SLC24A2: variants seen among roughly 807,000 people sequenced by gnomAD.
SLC24A2 encodes sodium/potassium/calcium exchanger 2.
A neutral mutation model predicts 62.0 loss-of-function variants in SLC24A2; 36 were observed. The observed-to-expected ratio is 0.58, with a 90% CI of 0.44 to 0.77. The LOEUF is 0.77. SLC24A2 is among the 30% of genes least tolerant of loss of function. The pLI is 0.00. For missense variants in SLC24A2, 846 were observed against 817.9 expected, an observed-to-expected ratio of 1.03 and a Z score of -0.42; for synonymous variants, 358 against 294.0, an observed-to-expected ratio of 1.22 and a Z score of -2.23.
the SLC24A2 span, among the ~76,000 whole-genome samples, chr9:20,179,059 A>G: frequency 6.6e-6 from 1 of 152,150 alleles, no homozygotes; most frequent in Admixed American, 6.6e-5. Context: ...AGCTAGGTAA[A>G]GAGAATTACT....
chr9:20,026,075 T>C, the SLC24A2 span, among the ~76,000 whole-genome samples: 1 of 152,190 alleles, frequency 6.6e-6, no homozygotes, highest in Non-Finnish European at 1.5e-5. Flanking sequence ...ATTGGTCAAA[T>C]TGCATATTTT....
the SLC24A2 span, among the ~76,000 whole-genome samples, chr9:19,892,536 T>C: frequency 1.3e-5 from 2 of 152,156 alleles, no homozygotes; most frequent in Admixed American, 6.5e-5. Context: ...ACAAATGTAA[T>C]TGAATATCCA....
the SLC24A2 span, among the ~76,000 whole-genome samples, chr9:20,263,552 G>A: frequency 3.9e-5 from 6 of 152,140 alleles, no homozygotes; most frequent in African/African-American, 1.4e-4. Context: ...ATCCATCAGA[G>A]AAGGATTCTT....
At chr9:19,847,220 A>G in the SLC24A2 span, among the ~76,000 whole-genome samples, 1 of 152,208 alleles carries the variant, frequency 6.6e-6, no homozygotes, top group Non-Finnish European at 1.5e-5. Flanking sequence ...AAATTTCTGC[A>G]TTTTTAATAA....
At chr9:19,519,425 A>G (rs1037329268) in intron 10 of SLC24A2, among the ~76,000 whole-genome samples, 1 of 152,048 alleles carries the variant, frequency 6.6e-6, no homozygotes, top group Non-Finnish European at 1.5e-5. Flanking sequence ...GTAATTCTTC[A>G]TAATATACTA....
the SLC24A2 span, among the ~76,000 whole-genome samples, chr9:19,991,077 G>A: frequency 6.6e-6 from 1 of 150,662 alleles, no homozygotes; most frequent in South Asian, 2.1e-4. Context: ...TATATGAAAA[G>A]GAGTTTATTA....
At chr9:19,670,144 C>A (rs1271426533) in intron 2 of SLC24A2, among the ~76,000 whole-genome samples, 1 of 152,174 alleles carries the variant, frequency 6.6e-6, no homozygotes, top group Non-Finnish European at 1.5e-5. Context: ...TCTTGTGGCA[C>A]CAATGGAAGC....
intron 4 of SLC24A2, among the ~76,000 whole-genome samples, chr9:19,616,642 G>T (rs1460590590): frequency 2.0e-5 from 3 of 152,190 alleles, no homozygotes; most frequent in Non-Finnish European, 4.4e-5. Flanking sequence ...TTCATCGCTA[G>T]TATGTACCAG....
chr9:19,868,159 A>G, the SLC24A2 span, among the ~76,000 whole-genome samples: 313 of 152,194 alleles, frequency 2.1e-3, 2 homozygotes, highest in African/African-American at 7.2e-3. Flanking sequence ...TTCACTAATT[A>G]TACATTATAG....
the SLC24A2 span, among the ~76,000 whole-genome samples, chr9:20,004,595 T>C: frequency 6.6e-6 from 1 of 152,242 alleles, no homozygotes; most frequent in African/African-American, 2.4e-5. Flanking sequence ...TTTCACCATA[T>C]ACAGATGTAG....
At chr9:19,936,803 A>G in the SLC24A2 span, among the ~76,000 whole-genome samples, 1 of 152,180 alleles carries the variant, frequency 6.6e-6, no homozygotes, top group Non-Finnish European at 1.5e-5. Flanking sequence ...AAGATGATAA[A>G]TGGGGAAAAA....
chr9:19,694,568 G>A (rs1414628444), intron 2 of SLC24A2, among the ~76,000 whole-genome samples: 5 of 152,176 alleles, frequency 3.3e-5, no homozygotes, highest in African/African-American at 1.2e-4. Flanking sequence ...ACTGTGATTA[G>A]ATTATTAGGT....
chr9:19,875,396 G>C, the SLC24A2 span, among the ~76,000 whole-genome samples: 2 of 152,214 alleles, frequency 1.3e-5, no homozygotes, highest in Admixed American at 6.5e-5. Context: ...ACAAAACTTA[G>C]TTCAAGATGG....
intron 2 of SLC24A2, among the ~76,000 whole-genome samples, chr9:19,637,328 C>G (rs1400938074): frequency 1.3e-5 from 2 of 152,240 alleles, no homozygotes; most frequent in Admixed American, 1.3e-4. Context: ...GAGGTCTGCC[C>G]TGGGCATCAG....
the SLC24A2 span, among the ~76,000 whole-genome samples, chr9:20,144,172 C>T: frequency 6.6e-6 from 1 of 152,172 alleles, no homozygotes; most frequent in Non-Finnish European, 1.5e-5. Context: ...TTCTTGGACC[C>T]TCTATGAAAA....
chr9:19,665,497 T>C (rs73428400), intron 2 of SLC24A2, among the ~76,000 whole-genome samples: 1,570 of 152,190 alleles, frequency 0.01, 31 homozygotes, highest in African/African-American at 0.035. Flanking sequence ...TTGAAATGCA[T>C]TGGTGGTAGA....
chr9:19,550,204 A>G lies in SLC24A2; in HGVS notation c.1412T>C (p.Val471Ala). The G allele has an allele frequency of 6.2e-7, 1 of 1,614,120 alleles. No homozygotes were observed. The highest frequency in any genetic ancestry group is 8.5e-7 in the Non-Finnish European group (1 of 1,179,966). The change falls in exon 8 of 11, where the codon GTC becomes GCC. Residue 471 changes from valine (V) to alanine (A), a missense_variant. Physicochemically the swap from Val to Ala is moderately conservative, Grantham distance 64. Transcript: ENST00000341998. ...TATGGGGAAAACAATCAGAAACGTGACTTGCTTGCGGGTTTCAGAAGGCCA... is the reference window on the plus strand; with the variant it reads ...TATGGGGAAAACAATCAGAAACGTGGCTTGCTTGCGGGTTTCAGAAGGCCA... ...LAWPSETRKQ[V>A]TFLIVFPIVF...
chr9:20,040,245 A>G, the SLC24A2 span, among the ~76,000 whole-genome samples: 1 of 152,344 alleles, frequency 6.6e-6, no homozygotes, highest in East Asian at 1.9e-4. Context: ...GGTGCTATTA[A>G]AAATCTTGGT....
At chr9:20,185,664 CAAA>C in the SLC24A2 span, among the ~76,000 whole-genome samples, 3 of 90,766 alleles carry the variant, frequency 3.3e-5, no homozygotes, top group Non-Finnish European at 2.2e-5. Flanking sequence ...GACTCCATCT[CAAA>C]AAAAAAAAAA....
Sources: allele counts gnomAD v4.1 joint callset (sites outside exome capture counted in the v4.1 genomes callset), GRCh38; gene constraint gnomAD v4.1.1; transcripts MANE v1.5; gene names NCBI Gene and HGNC (gene_info 2026-07-23, HGNC 2026-07-21).